Variants in TYW1B observed in about 807,000 individuals in gnomAD.
TYW1B encodes the protein tRNA-yW synthesizing protein 1 homolog B.
Under a neutral mutation model 86.9 loss-of-function variants are expected in TYW1B, and 73 were observed. The ratio of observed to expected loss-of-function variants is 0.84; its 90% CI spans 0.70 to 1.02. TYW1B has a LOEUF of 1.02. Among genes scored for constraint, TYW1B ranks in the 50% least tolerant of loss-of-function variants. The probability of loss-of-function intolerance (pLI) is 0.00; values close to 1 mark genes in which losing one functional copy is unlikely to be tolerated. For synonymous variants in TYW1B, 248 were observed against 292.8 expected (o/e 0.85, Z 1.56); for missense variants, 637 against 827.4 (o/e 0.77, Z 2.82).
chr7:72,798,316 A>G (rs868942389), intron 6 of TYW1B, among the ~76,000 whole-genome samples: 1 of 151,888 alleles, frequency 6.6e-6, no homozygotes, highest in Admixed American at 6.6e-5. Flanking sequence ...GCGTGAACCC[A>G]GGAGGCAGAG....
chr7:72,650,056 AT>A (rs1337066963), intron 11 of TYW1B, among the ~76,000 whole-genome samples: 2 of 139,738 alleles, frequency 1.4e-5, no homozygotes, highest in African/African-American at 2.8e-5. Flanking sequence ...TGCCTGGCCA[AT>A]TTTTTTTGTT....
chr7:72,604,452 ACT>A (rs1811748756), intron 13 of TYW1B, among the ~76,000 whole-genome samples: 2 of 152,000 alleles, frequency 1.3e-5, no homozygotes, highest in African/African-American at 4.8e-5. Context: ...ACAGAGTGAG[ACT>A]CTGTCTCAAA....
chr7:72,613,675 G>C (rs1811993348), intron 13 of TYW1B, among the ~76,000 whole-genome samples: 3 of 151,850 alleles, frequency 2.0e-5, no homozygotes, highest in Admixed American at 2.0e-4. Context: ...TCCTCCCAAA[G>C]TGCTGGGATT....
chr7:72,827,053 T>A, intron 1 of TYW1B, 68 bp from the exon 2 acceptor site: 4 of 1,522,232 alleles, frequency 2.6e-6, no homozygotes, highest in Non-Finnish European at 3.5e-6. Flanking sequence ...TCCTTCCCGA[T>A]TTTAAGAAGA....
intron 9 of TYW1B, 80 bp downstream of exon 9, chr7:72,728,742 C>T: frequency 7.1e-7 from 1 of 1,403,864 alleles, no homozygotes; most frequent in Non-Finnish European, 9.7e-7. Context: ...CAAAATCCTA[C>T]CAAAGAGGCA....
rs190634394 is a variant in TYW1B, at chr7:72,581,480, C to T, written c.1786-5761G>A. On this transcript the variant is annotated intron_variant, in intron 13 of 13. Coordinates refer to ENST00000620995, the MANE Select transcript of TYW1B (RefSeq NM_001145440.3). ...CATTTTTATTTATTTATTTTTGAGA[C>T]GGAGTCATGCTCTGTTGCCCAGGCT... Among the ~76,000 whole-genome samples the T allele has an allele frequency of 2.2e-3, 331 of 152,226 alleles. 3 individuals carry two copies. The highest frequency in any genetic ancestry group is 7.2e-3 in the African/African-American group (299 of 41,548).
In TYW1B at chr7:72,731,053, A is replaced by G. The variant is rs1231343177; in HGVS notation, c.1083-2122T>C. On this transcript the variant is annotated intron_variant, in intron 8 of 13. Transcript: ENST00000620995. ...CGTCACATGTAAGGAAACCTCCATA[A>G]GAATAACAGCAGATTTCTCAGCAGA... is the stretch of plus-strand genomic sequence containing the variant. 9.3e-5 allele frequency among the ~76,000 whole-genome samples: 14 copies of G among 151,012 alleles called. 1 individual carries two copies. Among genetic ancestry groups the G allele is most frequent in the African/African-American group, 2.9e-4 (12 of 41,256 alleles).
In TYW1B at chr7:72,627,064, G is replaced by A. The variant is rs181210324; in HGVS notation, c.1617+1823C>T. On this transcript the variant is annotated intron_variant, in intron 12 of 13. Transcript: ENST00000620995. The stretch of plus-strand genomic sequence containing the variant: ...CTGCCAACCTCAGCCACTCCACTAG[G>A]ATAGCACAGGACCTCCATGCACTAG... Among the ~76,000 whole-genome samples, 326 of 152,134 alleles carry A rather than the reference G, an allele frequency of 2.1e-3. 4 individuals carry two copies. Among genetic ancestry groups the A allele is most frequent in the African/African-American group, 7.2e-3 (300 of 41,504 alleles).
chr7:72,578,206 C>A (rs1311854849), intron 13 of TYW1B, among the ~76,000 whole-genome samples: 4 of 151,860 alleles, frequency 2.6e-5, no homozygotes, highest in Admixed American at 2.6e-4. Context: ...CTCTGCCTCC[C>A]GGGTTCTTGC....
intron 4 of TYW1B, among the ~76,000 whole-genome samples, chr7:72,809,941 A>G (rs532192003): frequency 2.0e-5 from 3 of 149,660 alleles, no homozygotes; most frequent in Non-Finnish European, 3.0e-5. Flanking sequence ...CGGAGGTTGC[A>G]GTCAGCTGAG....
intron 6 of TYW1B, among the ~76,000 whole-genome samples, chr7:72,784,967 A>G (rs1554472200): frequency 6.6e-6 from 1 of 151,608 alleles, no homozygotes; most frequent in East Asian, 1.9e-4. Context: ...TTCCTTCTCT[A>G]TGTCACAGCT....
intron 11 of TYW1B, among the ~76,000 whole-genome samples, chr7:72,684,389 A>AGAAACCATGCAAGCAAG (rs1421909000): frequency 4.6e-5 from 7 of 152,198 alleles, no homozygotes; most frequent in African/African-American, 1.4e-4. Flanking sequence ...ACTTCTACCC[A>AGAAACCATGCAAGCAAG]GAAACCATGC....
intron 7 of TYW1B, chr7:72,769,090 A>T (rs1284302212): frequency 2.6e-5 from 10 of 379,540 alleles, no homozygotes; most frequent in African/African-American, 2.2e-4. Flanking sequence ...AGTCTGTGGG[A>T]TGGGCATGCA....
chr7:72,667,031 CAAAAAAAA>C (rs60691255), intron 11 of TYW1B, among the ~76,000 whole-genome samples: 3 of 42,376 alleles, frequency 7.1e-5, no homozygotes, highest in South Asian at 1.6e-3. Flanking sequence ...GACTCCGTCT[CAAAAAAAA>C]AAAAAAAAAA....
At chr7:72,623,475 C>T (rs1302074070) in intron 12 of TYW1B, among the ~76,000 whole-genome samples, 6 of 152,230 alleles carry the variant, frequency 3.9e-5, no homozygotes, top group East Asian at 3.9e-4. Context: ...ACAGAACAAG[C>T]CTTCCAAGTG....
intron 11 of TYW1B, among the ~76,000 whole-genome samples, chr7:72,650,720 T>A (rs1813037434): frequency 6.6e-6 from 1 of 152,048 alleles, no homozygotes; most frequent in Non-Finnish European, 1.5e-5. Context: ...CATGCAAAAA[T>A]AACACCTACT....
At chr7:72,610,504 C>T (rs1246457047) in intron 13 of TYW1B, among the ~76,000 whole-genome samples, 1 of 151,982 alleles carries the variant, frequency 6.6e-6, no homozygotes. Flanking sequence ...TCATTTAATA[C>T]TTTGCCAGGT....
intron 7 of TYW1B, among the ~76,000 whole-genome samples, chr7:72,764,832 A>C (rs1385807799): frequency 6.6e-6 from 1 of 152,164 alleles, no homozygotes; most frequent in Non-Finnish European, 1.5e-5. Context: ...TTGGTTCTTT[A>C]CTTAAATATT....
At chr7:72,763,277 C>CTTTTTTTTTTTTT (rs1197936704) in intron 7 of TYW1B, among the ~76,000 whole-genome samples, 2 of 111,638 alleles carry the variant, frequency 1.8e-5, no homozygotes, top group Admixed American at 9.0e-5. Context: ...TTTTTCTTTT[C>CTTTTTTTTTTTTT]TTTTCTTTTT....
Sources: gnomAD v4.1 joint callset for allele counts (sites outside exome capture counted in the v4.1 genomes callset) on GRCh38, gnomAD v4.1.1 for gene constraint, MANE v1.5 for transcripts, NCBI Gene and HGNC (gene_info 2026-07-23, HGNC 2026-07-21) for gene names.